The following ITGBL1 variants were observed in gnomAD, a reference collection of about 807,000 sequenced individuals.
ITGBL1 encodes integrin subunit beta like 1.
A neutral mutation model predicts 68.5 loss-of-function variants in ITGBL1; 51 were observed. That is an observed-to-expected ratio of 0.74 (90% CI 0.59 to 0.94). ITGBL1 has a LOEUF of 0.94. ITGBL1 is among the 40% of genes least tolerant of loss of function. The pLI, the probability that ITGBL1 is intolerant of heterozygous loss-of-function variation, is 0.00. For missense variants in ITGBL1, 649 were observed against 647.4 expected (o/e 1.00, Z -0.03); for synonymous variants, 209 against 227.3 (o/e 0.92, Z 0.72).
At chr13:101,572,548 G>A (rs140944998) in intron 3 of ITGBL1, among the ~76,000 whole-genome samples, 1 of 152,242 alleles carries the variant, frequency 6.6e-6, no homozygotes, top group East Asian at 1.9e-4. Flanking sequence ...ACCAGTCCTA[G>A]AGGCTGAGTT....
chr13:101,496,640 C>G (rs970075364), intron 2 of ITGBL1, among the ~76,000 whole-genome samples: 2 of 152,228 alleles, frequency 1.3e-5, no homozygotes, highest in Non-Finnish European at 2.9e-5. Context: ...TCCCTTGGAA[C>G]CTTTTACCCT....
At chr13:101,669,046 A>G (rs1366492843) in intron 7 of ITGBL1, among the ~76,000 whole-genome samples, 2 of 152,122 alleles carry the variant, frequency 1.3e-5, no homozygotes, top group Non-Finnish European at 2.9e-5. Context: ...ACAAAGAGTT[A>G]AACCTTTTAA....
chr13:101,552,572 T>G (rs2049938623), intron 2 of ITGBL1, among the ~76,000 whole-genome samples: 1 of 152,198 alleles, frequency 6.6e-6, no homozygotes, highest in Non-Finnish European at 1.5e-5. Context: ...AATTTCCTTG[T>G]TTTAAGTCAG....
chr13:101,582,607 A>G (rs1032843184), intron 5 of ITGBL1, among the ~76,000 whole-genome samples: 9 of 152,038 alleles, frequency 5.9e-5, no homozygotes, highest in Admixed American at 4.6e-4. Flanking sequence ...AGCAAACCTT[A>G]CTTCTTAGTC....
At chr13:101,528,124 T>G (rs2049410763) in intron 2 of ITGBL1, among the ~76,000 whole-genome samples, 1 of 151,534 alleles carries the variant, frequency 6.6e-6, no homozygotes. Flanking sequence ...ATTACAAAGT[T>G]ATTGTTTTTA....
intron 7 of ITGBL1, among the ~76,000 whole-genome samples, chr13:101,687,543 T>G (rs1394964539): frequency 6.6e-6 from 1 of 152,120 alleles, no homozygotes; most frequent in Non-Finnish European, 1.5e-5. Context: ...AATTTTTAAG[T>G]AAAATCTATT....
intron 8 of ITGBL1, among the ~76,000 whole-genome samples, chr13:101,698,566 G>A (rs747734285): frequency 7.9e-5 from 12 of 152,176 alleles, no homozygotes; most frequent in Non-Finnish European, 1.8e-4. Flanking sequence ...TGTGAGTCAT[G>A]TTCAATCATC....
At chr13:101,513,862 G>GATCTC (rs2049153936) in intron 2 of ITGBL1, among the ~76,000 whole-genome samples, 1 of 151,966 alleles carries the variant, frequency 6.6e-6, no homozygotes, top group Non-Finnish European at 1.5e-5. Flanking sequence ...TCATACATGT[G>GATCTC]ATACTCCTGA....
chr13:101,627,754 T>G (rs2031836061), intron 7 of ITGBL1, among the ~76,000 whole-genome samples: 1 of 152,298 alleles, frequency 6.6e-6, no homozygotes, highest in Middle Eastern at 3.4e-3. Context: ...CTTAAGTTTT[T>G]TAAGTGTGTT....
At chr13:101,456,006 G>A (rs958448184) in intron 2 of ITGBL1, among the ~76,000 whole-genome samples, 14 of 152,020 alleles carry the variant, frequency 9.2e-5, no homozygotes, top group Non-Finnish European at 1.8e-4. Context: ...GCTTTTCTCC[G>A]AGAAACTATG....
intron 7 of ITGBL1, among the ~76,000 whole-genome samples, chr13:101,660,312 T>A (rs2033050136): frequency 6.6e-6 from 1 of 151,992 alleles, no homozygotes; most frequent in African/African-American, 2.4e-5. Context: ...AGAGATGAAA[T>A]CATAGGGAGT....
At chr13:101,567,372 T>C (rs763063908) in intron 2 of ITGBL1, among the ~76,000 whole-genome samples, 7 of 152,156 alleles carry the variant, frequency 4.6e-5, no homozygotes, top group East Asian at 1.9e-4. Flanking sequence ...CGTTGGACTT[T>C]TGTCTCTTAA....
intron 2 of ITGBL1, among the ~76,000 whole-genome samples, chr13:101,553,258 T>C (rs564981581): frequency 6.6e-6 from 1 of 152,288 alleles, no homozygotes; most frequent in African/African-American, 2.4e-5. Context: ...TGTTAAGAAC[T>C]TTTTGCCTTC....
At chr13:101,655,959 G>C (rs1178539133) in intron 7 of ITGBL1, among the ~76,000 whole-genome samples, 1 of 151,728 alleles carries the variant, frequency 6.6e-6, no homozygotes, top group Non-Finnish European at 1.5e-5. Context: ...GTACAGCTTG[G>C]TTTTATCTAT....
intron 7 of ITGBL1, among the ~76,000 whole-genome samples, chr13:101,637,453 C>T (rs1295415442): frequency 1.3e-5 from 2 of 151,322 alleles, no homozygotes; most frequent in African/African-American, 4.8e-5. Context: ...AAGCCATTCT[C>T]CTGCCTCAGC....
chr13:101,708,060 CACACACACAT>C (rs1283705091), intron 9 of ITGBL1, among the ~76,000 whole-genome samples: 3 of 144,254 alleles, frequency 2.1e-5, no homozygotes, highest in African/African-American at 8.0e-5. Flanking sequence ...CACACACACA[CACACACACAT>C]ACACACAAAT....
intron 2 of ITGBL1, among the ~76,000 whole-genome samples, chr13:101,454,313 G>A (rs1594817802): frequency 6.6e-6 from 1 of 151,642 alleles, no homozygotes; most frequent in East Asian, 1.9e-4. Context: ...TGGAAGTAAA[G>A]TTTTAAAAAT....
chr13:101,596,599 A>G (rs1043932041), intron 6 of ITGBL1, among the ~76,000 whole-genome samples: 3 of 152,210 alleles, frequency 2.0e-5, no homozygotes, highest in Non-Finnish European at 4.4e-5. Context: ...TTGGGGAAGA[A>G]AAGAGCGACC....
At chr13:101,656,049 C>T (rs780021362) in intron 7 of ITGBL1, among the ~76,000 whole-genome samples, 8 of 151,812 alleles carry the variant, frequency 5.3e-5, no homozygotes, top group Admixed American at 1.3e-4. Context: ...CAACTCAAAA[C>T]GAGGTGGGGG....
Sources: gnomAD v4.1 joint callset for allele counts (sites outside exome capture counted in the v4.1 genomes callset) on GRCh38, gnomAD v4.1.1 for gene constraint, MANE v1.5 for transcripts, NCBI Gene and HGNC (gene_info 2026-07-23, HGNC 2026-07-21) for gene names.